WDFY3: variants seen among roughly 807,000 people sequenced by gnomAD.
WDFY3 encodes WD repeat and FYVE domain-containing protein 3.
Under a neutral mutation model 409.6 loss-of-function variants are expected in WDFY3, and 66 were observed. That is an observed-to-expected ratio of 0.16 (90% CI 0.13 to 0.20). WDFY3 has a LOEUF of 0.20. WDFY3 is among the 10% of genes least tolerant of loss of function. WDFY3 has a pLI of 1.00. For synonymous variants in WDFY3, 1,521 were observed against 1,537.1 expected (o/e 0.99, Z 0.25); for missense variants, 3,031 against 4,298.1 (o/e 0.71, Z 8.24).
At chr4:84,873,118 A>T (rs1484979183) in intron 3 of WDFY3, among the ~76,000 whole-genome samples, 1 of 152,224 alleles carries the variant, frequency 6.6e-6, no homozygotes, top group Non-Finnish European at 1.5e-5. Context: ...TGATAAATCA[A>T]GCATGCAGGA....
intron 26 of WDFY3, among the ~76,000 whole-genome samples, chr4:84,779,879 C>T (rs1015936945): frequency 6.6e-6 from 1 of 152,060 alleles, no homozygotes; most frequent in African/African-American, 2.4e-5. Context: ...TGTTGCCTAA[C>T]TCAAGTGTTT....
Position 84,774,875 on chromosome 4 carries a change from T to C in WDFY3, c.4699A>G (p.Ser1567Gly), listed in dbSNP as rs894549916. 2 of 1,613,882 alleles carry C rather than the reference T, an allele frequency of 1.2e-6. No individual in the cohort carries two copies. Among genetic ancestry groups the C allele is most frequent in the African/African-American group, 2.7e-5 (2 of 74,910 alleles). Residue 1567 changes from serine (S) to glycine (G), a missense_variant, in exon 29 of 68, where the codon AGT becomes GGT. Ser to Gly is a moderately conservative substitution (Grantham distance 56, BLOSUM62 0). This residue lies in a region of WDFY3 where 342 missense variants were observed against 463.7 expected (regional missense o/e 0.74). Transcript: ENST00000295888. ...TGCAGTAAGAAGCTCAGGACATTACTAATAGCAGCAATAGTAGGCTGGGAT... is the reference window on the plus strand; with the variant it reads ...TGCAGTAAGAAGCTCAGGACATTACCAATAGCAGCAATAGTAGGCTGGGAT... ...SLSQPTIAAI[S>G]NVLSFLLQGF...
chr4:84,798,903 AAC>A (rs1361492906), intron 17 of WDFY3, among the ~76,000 whole-genome samples: 2 of 152,130 alleles, frequency 1.3e-5, no homozygotes, highest in Non-Finnish European at 2.9e-5. Flanking sequence ...TGTAGTTGAA[AAC>A]ACAAAACAGC....
At chr4:84,935,205 C>T (rs1253520165) in intron 1 of WDFY3, among the ~76,000 whole-genome samples, 5 of 152,238 alleles carry the variant, frequency 3.3e-5, no homozygotes, top group Middle Eastern at 3.4e-3. Flanking sequence ...TGTCATGTTC[C>T]ACATGTGTCC....
intron 56 of WDFY3, among the ~76,000 whole-genome samples, chr4:84,700,577 T>C (rs1730917688): frequency 6.6e-6 from 1 of 152,230 alleles, no homozygotes; most frequent in South Asian, 2.1e-4. Context: ...ATGATAAAGA[T>C]ACATCCTCCT....
intron 50 of WDFY3, 66 bp downstream of exon 50, chr4:84,715,232 T>A (rs1052559794): frequency 2.3e-6 from 2 of 855,848 alleles, no homozygotes; most frequent in East Asian, 2.7e-5. Context: ...CCAGCAAAAC[T>A]GAGAAAAGAT....
intron 12 of WDFY3, among the ~76,000 whole-genome samples, chr4:84,818,451 A>G (rs1252779738): frequency 6.6e-6 from 1 of 152,140 alleles, no homozygotes; most frequent in African/African-American, 2.4e-5. Context: ...TTGGTCTTCC[A>G]TGACTACTGG....
rs1452951072 is a variant in WDFY3, at chr4:84,670,222, T to A, written c.*2646A>T. ...ATGGATGAACAAATGAACAGGTGGA[T>A]GGATGAATGAACAAACTACAAAGAT... On this transcript the variant is annotated 3_prime_UTR_variant, in exon 68 of 68. Transcript: ENST00000295888. The A allele has an allele frequency of 6.6e-6, 1 of 152,592 alleles. No individual in the cohort carries two copies. Among genetic ancestry groups the A allele is most frequent in the African/African-American group, 2.4e-5 (1 of 41,440 alleles). 9.5% of individuals were successfully genotyped at this position (152,592 alleles called of 1,614,324 possible). A position where few individuals can be genotyped will look rare whatever the true frequency, so the allele number is the denominator to read the frequency against.
chr4:84,952,664 T>C (rs1773756279), intron 1 of WDFY3, among the ~76,000 whole-genome samples: 1 of 152,104 alleles, frequency 6.6e-6, no homozygotes, highest in African/African-American at 2.4e-5. Flanking sequence ...GAAATTTTTT[T>C]CGATGCTATT....
intron 32 of WDFY3, among the ~76,000 whole-genome samples, chr4:84,760,260 G>A (rs1488928094): frequency 1.3e-5 from 2 of 151,930 alleles, no homozygotes; most frequent in Non-Finnish European, 2.9e-5. Flanking sequence ...TTGGTCTAAA[G>A]TTCTCTTTTT....
At chr4:84,958,071 G>A (rs1295104701) in intron 1 of WDFY3, among the ~76,000 whole-genome samples, 1 of 152,108 alleles carries the variant, frequency 6.6e-6, no homozygotes. Context: ...CTAAGTATTT[G>A]GCATTTCTTG....
At chr4:84,867,696 A>C (rs1328300458) in intron 3 of WDFY3, among the ~76,000 whole-genome samples, 3 of 152,200 alleles carry the variant, frequency 2.0e-5, no homozygotes, top group Non-Finnish European at 4.4e-5. Flanking sequence ...AAATAGGCTA[A>C]ATTTTTAAAA....
At chr4:84,789,640 C>CACAT in intron 22 of WDFY3, 86 bp downstream of exon 22, 1 of 1,118,416 alleles carries the variant, frequency 8.9e-7, no homozygotes, top group African/African-American at 1.6e-5. Flanking sequence ...GTAACACACA[C>CACAT]ACACACACAC....
chr4:84,776,376 G>A (rs572076713), intron 27 of WDFY3, among the ~76,000 whole-genome samples: 53 of 152,102 alleles, frequency 3.5e-4, no homozygotes, highest in African/African-American at 1.3e-3. Context: ...GTGGTTTGGA[G>A]TAATTAGGGA....
At chr4:84,840,884 A>G (rs941060008) in intron 6 of WDFY3, among the ~76,000 whole-genome samples, 2 of 151,876 alleles carry the variant, frequency 1.3e-5, no homozygotes, top group African/African-American at 4.8e-5. Flanking sequence ...CCCAGCCACA[A>G]ATGGTTATGT....
intron 56 of WDFY3, among the ~76,000 whole-genome samples, chr4:84,697,416 G>A (rs143502553): frequency 1.4e-3 from 208 of 152,138 alleles, no homozygotes; most frequent in Admixed American, 1.5e-3. Flanking sequence ...TGCTGTTATT[G>A]CATCATTTAA....
intron 21 of WDFY3, among the ~76,000 whole-genome samples, chr4:84,790,618 C>G (rs1748359807): frequency 6.6e-6 from 1 of 152,066 alleles, no homozygotes; most frequent in Admixed American, 6.5e-5. Context: ...GTGGGACTAT[C>G]TCAAACTGAA....
chr4:84,965,462 C>T (rs1775517221), intron 1 of WDFY3, among the ~76,000 whole-genome samples: 1 of 152,144 alleles, frequency 6.6e-6, no homozygotes, highest in Admixed American at 6.5e-5. Context: ...AAAGGAAGAC[C>T]TGATATTGCA....
intron 64 of WDFY3, 148 bp from the exon 65 acceptor site, chr4:84,679,390 A>AGGATT: frequency 1.2e-6 from 1 of 834,160 alleles, no homozygotes; most frequent in African/African-American, 1.8e-5. Flanking sequence ...AGTAAGTGCC[A>AGGATT]GGATTTTTGG....
Sources: gnomAD v4.1 joint callset for allele counts (sites outside exome capture counted in the v4.1 genomes callset) on GRCh38, gnomAD v4.1.1 for gene constraint, gnomAD v4.1.1 regional missense constraint, MANE v1.5 for transcripts, NCBI Gene and HGNC (gene_info 2026-07-23, HGNC 2026-07-21) for gene names.